Variants in CAMK1D observed in about 807,000 individuals in gnomAD.
CAMK1D encodes calcium/calmodulin dependent protein kinase ID, also known as calcium/calmodulin-dependent protein kinase type 1D.
CAMK1D carries 9 observed loss-of-function variants against 47.7 expected under a neutral mutation model. The observed-to-expected ratio is 0.19, with a 90% CI of 0.11 to 0.33. The LOEUF is 0.33. Ranked by LOEUF, CAMK1D falls within the 10% of genes least tolerant of loss-of-function variation. CAMK1D has a pLI of 1.00. For synonymous variants in CAMK1D, 184 were observed against 184.9 expected (o/e 0.99, Z 0.04); for missense variants, 291 against 488.7 (o/e 0.60, Z 3.81).
rs1833413336 is a variant in CAMK1D at position 12,831,200 on chromosome 10, G to A, written c.*2313G>A. 1 of 152,184 alleles carries A rather than the reference G, an allele frequency of 6.6e-6. No individual in the cohort carries two copies. Among genetic ancestry groups the A allele is most frequent in the African/African-American group, 2.4e-5 (1 of 41,440 alleles). The allele number at this position is 152,184 out of a possible 1,614,324, so 9.4% of individuals were successfully genotyped here. ...TGGAAAGGTCTATAAGATGACATTA[G>A]ACCCAGTTAAGAAGCAAGTGTCACC... On this transcript the variant is annotated 3_prime_UTR_variant, in exon 11 of 11. Transcript: ENST00000619168.
intron 1 of CAMK1D, among the ~76,000 whole-genome samples, chr10:12,438,542 T>A (rs1392956719): frequency 1.3e-5 from 2 of 152,200 alleles, no homozygotes; most frequent in Non-Finnish European, 2.9e-5. Context: ...TTTAAAAAAA[T>A]TTTTTTGAGG....
At chr10:12,631,192 A>G (rs536346455) in intron 2 of CAMK1D, among the ~76,000 whole-genome samples, 5 of 152,210 alleles carry the variant, frequency 3.3e-5, no homozygotes, top group Non-Finnish European at 7.3e-5. Flanking sequence ...TGCTTAGGAA[A>G]AAAAGGTTTC....
chr10:12,745,150 C>G (rs1329942152), intron 3 of CAMK1D, among the ~76,000 whole-genome samples: 1 of 152,216 alleles, frequency 6.6e-6, no homozygotes, highest in Admixed American at 6.5e-5. Context: ...CCTGCCTCAG[C>G]CTCCCGAGTA....
chr10:12,635,499 T>G (rs993643284), intron 2 of CAMK1D, among the ~76,000 whole-genome samples: 1 of 152,144 alleles, frequency 6.6e-6, no homozygotes, highest in East Asian at 1.9e-4. Context: ...AGCTCTTAGA[T>G]TCAAAGAACT....
At chr10:12,777,619 C>G (rs966934058) in intron 5 of CAMK1D, among the ~76,000 whole-genome samples, 2 of 152,100 alleles carry the variant, frequency 1.3e-5, no homozygotes, top group African/African-American at 4.8e-5. Flanking sequence ...GGTGATCCAC[C>G]TGTCTCGGCC....
intron 2 of CAMK1D, among the ~76,000 whole-genome samples, chr10:12,592,238 A>G (rs923648684): frequency 2.0e-5 from 3 of 152,160 alleles, no homozygotes; most frequent in Non-Finnish European, 4.4e-5. Context: ...CCAAGGAGGA[A>G]GATGTCAGGC....
chr10:12,784,029 A>G (rs1345286981), intron 5 of CAMK1D, among the ~76,000 whole-genome samples: 1 of 152,086 alleles, frequency 6.6e-6, no homozygotes, highest in Non-Finnish European at 1.5e-5. Context: ...TACTGGTGTA[A>G]ACTTGATAAG....
chr10:12,469,014 G>A lies in CAMK1D; in HGVS notation c.93-84211G>A, dbSNP rs562332565. Among the ~76,000 whole-genome samples, 4 of 152,202 alleles carry A rather than the reference G, an allele frequency of 2.6e-5. No homozygotes were observed. The South Asian group carries it at 8.3e-4, about 32-fold the overall frequency. ...TAGCGTCCTGCCCGGGCAAGGTGGG[G>A]GATTCACATGGATGGAAATCAAGTG... is the stretch of plus-strand genomic sequence containing the variant. On this transcript the variant is annotated intron_variant, in intron 1 of 10. Coordinates refer to ENST00000619168, the MANE Select transcript of CAMK1D (RefSeq NM_153498.4).
chr10:12,593,556 C>T (rs544402781), intron 2 of CAMK1D, among the ~76,000 whole-genome samples: 1 of 152,308 alleles, frequency 6.6e-6, no homozygotes, highest in South Asian at 2.1e-4. Flanking sequence ...TGCCATTGCA[C>T]TCCAGCCTGG....
chr10:12,597,703 A>C (rs1452432939), intron 2 of CAMK1D, among the ~76,000 whole-genome samples: 2 of 152,134 alleles, frequency 1.3e-5, no homozygotes, highest in Non-Finnish European at 2.9e-5. Context: ...ATCCTTGGCC[A>C]GTTCTTCTGT....
At chr10:12,379,002 G>T (rs1254551697) in intron 1 of CAMK1D, among the ~76,000 whole-genome samples, 1 of 151,856 alleles carries the variant, frequency 6.6e-6, no homozygotes, top group African/African-American at 2.4e-5. Flanking sequence ...TGGAGACAAG[G>T]TTTCACCATA....
At chr10:12,385,323 G>A (rs1335271912) in intron 1 of CAMK1D, among the ~76,000 whole-genome samples, 1 of 152,242 alleles carries the variant, frequency 6.6e-6, no homozygotes, top group Non-Finnish European at 1.5e-5. Context: ...TGTTATTGAT[G>A]TAGCCAAAGA....
intron 3 of CAMK1D, among the ~76,000 whole-genome samples, chr10:12,687,214 T>A (rs1832701600): frequency 6.6e-6 from 1 of 152,006 alleles, no homozygotes; most frequent in Non-Finnish European, 1.5e-5. Flanking sequence ...ATTATCTCAC[T>A]GAACAATTTA....
At chr10:12,697,910 G>A (rs1833361030) in intron 3 of CAMK1D, among the ~76,000 whole-genome samples, 1 of 152,066 alleles carries the variant, frequency 6.6e-6, no homozygotes, top group Non-Finnish European at 1.5e-5. Context: ...AGTGGAAGGC[G>A]GCCTCCTGCA....
At chr10:12,395,571 T>C (rs1001290479) in intron 1 of CAMK1D, among the ~76,000 whole-genome samples, 10 of 152,132 alleles carry the variant, frequency 6.6e-5, no homozygotes, top group African/African-American at 2.2e-4. Context: ...TGACACCTAA[T>C]GTAAGTGAGG....
At chr10:12,404,438 T>A (rs1440045424) in intron 1 of CAMK1D, among the ~76,000 whole-genome samples, 1 of 152,246 alleles carries the variant, frequency 6.6e-6, no homozygotes, top group Non-Finnish European at 1.5e-5. Context: ...GAATATACAG[T>A]TGTGTCTAAT....
intron 8 of CAMK1D, among the ~76,000 whole-genome samples, chr10:12,823,049 C>A (rs2482024): frequency 0.86 from 130,145 of 152,174 alleles, 55,912 homozygotes; most frequent in East Asian, 0.95. Flanking sequence ...CCAGCCTGGC[C>A]CCAATTTTAT....
At chr10:12,679,855 A>G (rs1163685986) in intron 3 of CAMK1D, among the ~76,000 whole-genome samples, 2 of 152,070 alleles carry the variant, frequency 1.3e-5, no homozygotes, top group African/African-American at 4.8e-5. Context: ...ATTCTCCATC[A>G]TCCTCTCCTC....
At chr10:12,699,940 C>T (rs1197027123) in intron 3 of CAMK1D, among the ~76,000 whole-genome samples, 1 of 152,042 alleles carries the variant, frequency 6.6e-6, no homozygotes, top group Non-Finnish European at 1.5e-5. Flanking sequence ...TTCTTACTGT[C>T]TCAAACTAGA....
Sources: gnomAD v4.1 joint callset for allele counts (sites outside exome capture counted in the v4.1 genomes callset) on GRCh38, gnomAD v4.1.1 for gene constraint, MANE v1.5 for transcripts, NCBI Gene and HGNC (gene_info 2026-07-23, HGNC 2026-07-21) for gene names.